KLF8: variants seen among roughly 807,000 people sequenced by gnomAD.
The protein encoded by KLF8 is KLF transcription factor 8, also known as Krueppel-like factor 8.
KLF8 carries 10 observed loss-of-function variants against 18.2 expected under a neutral mutation model. The observed-to-expected ratio is 0.55, with a 90% confidence interval of 0.34 to 0.93. The LOEUF (loss-of-function observed/expected upper bound fraction) is 0.93, where lower values mean the gene tolerates loss of function less well. Ranked by LOEUF, KLF8 falls within the 40% of genes least tolerant of loss-of-function variation. The probability of loss-of-function intolerance (pLI) is 0.02; values close to 1 mark genes in which losing one functional copy is unlikely to be tolerated. For synonymous variants in KLF8, 109 were observed against 97.3 expected (o/e 1.12, Z -0.71); for missense variants, 264 against 277.9 (o/e 0.95, Z 0.36).
chrX:56,161,274 G>A, the KLF8 span, among the ~76,000 whole-genome samples: 1 of 111,207 alleles, frequency 9.0e-6, no homozygotes, highest in Non-Finnish European at 1.9e-5. Flanking sequence ...TAGTCTGATG[G>A]GCTTCCCTTT....
At chrX:56,061,259 G>A in the KLF8 span, among the ~76,000 whole-genome samples, 9 of 111,106 alleles carry the variant, frequency 8.1e-5, no homozygotes, top group Non-Finnish European at 1.7e-4. Context: ...TTGATGTTAG[G>A]GTGTCAATTT....
chrX:56,061,289 C>G, the KLF8 span, among the ~76,000 whole-genome samples: 21 of 111,943 alleles, frequency 1.9e-4, no homozygotes, highest in African/African-American at 6.2e-4. Context: ...CCTGCTTTCT[C>G]CTGTGGACAT....
At chrX:56,007,676 G>T in the KLF8 span, among the ~76,000 whole-genome samples, 5 of 111,201 alleles carry the variant, frequency 4.5e-5, no homozygotes, top group African/African-American at 1.6e-4. Context: ...GTACTTCTCC[G>T]TGGATGAGTT....
At chrX:56,263,219 G>T (rs189491881) in intron 2 of KLF8, among the ~76,000 whole-genome samples, 1 of 111,239 alleles carries the variant, frequency 9.0e-6, no homozygotes, top group Admixed American at 9.5e-5. Context: ...TATCTGGATG[G>T]GTCAAATCCA....
the KLF8 span, among the ~76,000 whole-genome samples, chrX:55,983,206 G>A: frequency 1.2e-4 from 13 of 110,822 alleles, no homozygotes; most frequent in African/African-American, 4.3e-4. Flanking sequence ...TATATTTTTT[G>A]TAGGTGATGG....
At chrX:56,000,369 G>C in the KLF8 span, among the ~76,000 whole-genome samples, 1 of 106,636 alleles carries the variant, frequency 9.4e-6, no homozygotes, top group Non-Finnish European at 1.9e-5. Flanking sequence ...GAGTCAGAGA[G>C]GATTCTCTCC....
intron 2 of KLF8, among the ~76,000 whole-genome samples, chrX:56,259,656 A>G (rs1428412488): frequency 4.5e-5 from 5 of 110,982 alleles, no homozygotes; most frequent in African/African-American, 1.3e-4. Context: ...CCTGTTCTCT[A>G]TTGTCAACTG....
the KLF8 span, among the ~76,000 whole-genome samples, chrX:56,056,439 A>G: frequency 9.2e-6 from 1 of 108,672 alleles, no homozygotes; most frequent in Non-Finnish European, 1.9e-5. Flanking sequence ...GAAATGCACT[A>G]CACTATACAC....
At chrX:56,188,513 A>G in the KLF8 span, among the ~76,000 whole-genome samples, 1 of 112,034 alleles carries the variant, frequency 8.9e-6, no homozygotes, top group Non-Finnish European at 1.9e-5. Context: ...AGAATTGGAA[A>G]AAACTACTTT....
the KLF8 span, among the ~76,000 whole-genome samples, chrX:56,013,635 C>CT: frequency 9.0e-6 from 1 of 110,969 alleles, no homozygotes; most frequent in Non-Finnish European, 1.9e-5. Flanking sequence ...TTTCCTTCTT[C>CT]TTTTTTTCGT....
the KLF8 span, among the ~76,000 whole-genome samples, chrX:56,045,487 G>C: frequency 8.9e-6 from 1 of 111,842 alleles, no homozygotes; most frequent in Non-Finnish European, 1.9e-5. Flanking sequence ...ATTGCTTTTA[G>C]CAGTATGGTC....
chrX:56,090,321 GC>G, the KLF8 span, among the ~76,000 whole-genome samples: 1 of 111,468 alleles, frequency 9.0e-6, no homozygotes, highest in Admixed American at 9.5e-5. Context: ...CATATTAAAA[GC>G]CTATTTACCT....
At chrX:56,120,953 A>G in the KLF8 span, among the ~76,000 whole-genome samples, 13 of 111,016 alleles carry the variant, frequency 1.2e-4, no homozygotes, top group South Asian at 1.5e-3. Context: ...TTTGGAGGCC[A>G]AGGTGGGCAG....
At chrX:56,093,343 A>G in the KLF8 span, among the ~76,000 whole-genome samples, 1 of 111,680 alleles carries the variant, frequency 9.0e-6, no homozygotes, top group Non-Finnish European at 1.9e-5. Flanking sequence ...AGAAGCAAAA[A>G]TATAAATTTG....
At chrX:56,210,292 G>A in the KLF8 span, among the ~76,000 whole-genome samples, 2 of 111,676 alleles carry the variant, frequency 1.8e-5, no homozygotes, top group South Asian at 7.5e-4. Context: ...GTGTCTGAAA[G>A]ATACTTTCAC....
At chrX:55,954,801 C>G in the KLF8 span, among the ~76,000 whole-genome samples, 1 of 111,879 alleles carries the variant, frequency 8.9e-6, no homozygotes, top group African/African-American at 3.2e-5. Context: ...CATCACCTGA[C>G]AGATGGTTAA....
At chrX:56,025,097 TCTC>T in the KLF8 span, among the ~76,000 whole-genome samples, 11 of 112,249 alleles carry the variant, frequency 9.8e-5, no homozygotes, top group Non-Finnish European at 5.6e-5. Context: ...TGGCCATTGA[TCTC>T]CTGTTACAGT....
the KLF8 span, among the ~76,000 whole-genome samples, chrX:56,171,629 T>C: frequency 2.7e-5 from 3 of 111,515 alleles, no homozygotes; most frequent in Non-Finnish European, 5.6e-5. Flanking sequence ...GGTGTTTGGA[T>C]TTTTATCCTT....
At chrX:56,087,041 T>A in the KLF8 span, among the ~76,000 whole-genome samples, 1 of 111,517 alleles carries the variant, frequency 9.0e-6, no homozygotes, top group Admixed American at 9.5e-5. Context: ...AAGCTGTTGA[T>A]GCTTATCTGG....
Sources: allele counts gnomAD v4.1 joint callset (sites outside exome capture counted in the v4.1 genomes callset), GRCh38; gene constraint gnomAD v4.1.1; transcripts MANE v1.5; gene names NCBI Gene and HGNC (gene_info 2026-07-23, HGNC 2026-07-21).